SLC18A2: variants seen among roughly 807,000 people sequenced by gnomAD.
The protein encoded by SLC18A2 is solute carrier family 18 member A2.
Under a neutral mutation model 59.2 loss-of-function variants are expected in SLC18A2, and 33 were observed. That is an observed-to-expected ratio of 0.56 (90% CI 0.42 to 0.75). The LOEUF is 0.75. SLC18A2 is among the 30% of genes least tolerant of loss of function. SLC18A2 has a pLI of 0.00. For synonymous variants in SLC18A2, 228 were observed against 253.5 expected (o/e 0.90, Z 0.95); for missense variants, 569 against 668.6 (o/e 0.85, Z 1.64).
At chr10:117,256,832 C>T (rs1284757990) in intron 9 of SLC18A2, among the ~76,000 whole-genome samples, 3 of 152,160 alleles carry the variant, frequency 2.0e-5, no homozygotes, top group East Asian at 1.9e-4. Context: ...TCCTGAACCT[C>T]GGGCACGTCT....
At chr10:117,266,305 A>G (rs972555225) in intron 10 of SLC18A2, among the ~76,000 whole-genome samples, 2 of 152,090 alleles carry the variant, frequency 1.3e-5, no homozygotes, top group African/African-American at 4.8e-5. Context: ...TGAGTAATGG[A>G]TGGGGTTTGG....
intron 10 of SLC18A2, among the ~76,000 whole-genome samples, chr10:117,262,165 G>A (rs11817105): frequency 0.041 from 6,190 of 152,144 alleles, 405 homozygotes; most frequent in African/African-American, 0.14. Flanking sequence ...TCAGCCTCCC[G>A]AAGTGCTGGG....
In SLC18A2 at chr10:117,266,720, C is replaced by A. The variant is rs1844353001; in HGVS notation, c.992-13C>A. 1.9e-6 allele frequency: 3 copies of A among 1,604,886 alleles called. No individual in the cohort carries two copies. The highest frequency in any genetic ancestry group is 2.6e-6 in the Non-Finnish European group (3 of 1,172,682). On this transcript the variant is annotated splice_polypyrimidine_tract_variant and intron_variant, in intron 10 of 15. Transcript: ENST00000644641. ...ATCAGCACTGATAAGGTCTCCTTTT[C>A]ATAAATTTACAGGCGTTGCCTTCTT...
At chr10:117,267,603 C>A in intron 12 of SLC18A2, 70 bp from the exon 13 acceptor site, 1 of 1,224,372 alleles carries the variant, frequency 8.2e-7, no homozygotes, top group South Asian at 1.5e-5. Context: ...AACACAAGTT[C>A]AAGACTTTCC....
intron 10 of SLC18A2, among the ~76,000 whole-genome samples, chr10:117,259,828 A>G (rs1844274327): frequency 6.6e-6 from 1 of 152,180 alleles, no homozygotes; most frequent in Non-Finnish European, 1.5e-5. Context: ...TCTGGGCTGA[A>G]CACTTGCTTA....
In SLC18A2 at chr10:117,254,042, C is replaced by T. The variant is rs779013601; in HGVS notation, c.524-6C>T. On this transcript the variant is annotated splice_polypyrimidine_tract_variant and splice_region_variant and intron_variant, in intron 4 of 15. Transcript: ENST00000644641. ...ATGTGCGGTCTTGGACCCCCTCTCT[C>T]GGCAGTGTTTGCCTTCTCCAGCAGC... is the stretch of plus-strand genomic sequence containing the variant. The T allele has an allele frequency of 2.5e-5, 41 of 1,612,894 alleles. No individual in the cohort carries two copies. The highest frequency in any genetic ancestry group is 1.0e-4 in the Admixed American group (6 of 60,004).
Position 117,277,386 on chromosome 10 carries a change from A to G in SLC18A2, c.*120A>G. 1 of 547,842 alleles carries G rather than the reference A, an allele frequency of 1.8e-6. No individual in the cohort carries two copies. Among genetic ancestry groups the G allele is most frequent in the South Asian group, 3.1e-5 (1 of 32,594 alleles). The allele number at this position is 547,842 out of a possible 1,614,324, so 33.9% of individuals were successfully genotyped here. ...ATCCCTGGTGAAAGAGTAAAACCAA[A>G]GGTTATTATTTCCTTTCCATGGTTA... On this transcript the variant is annotated 3_prime_UTR_variant, in exon 16 of 16. Coordinates refer to ENST00000644641, the MANE Select transcript of SLC18A2 (RefSeq NM_003054.6).
At chr10:117,266,703 T>G in intron 10 of SLC18A2, 30 bp from the exon 11 acceptor site, 1 of 1,527,438 alleles carries the variant, frequency 6.5e-7, no homozygotes, top group Non-Finnish European at 9.1e-7. Flanking sequence ...ATATCAGCAC[T>G]GATAAGGTCT....
chr10:117,248,736 AG>A (rs1394025692), intron 3 of SLC18A2, among the ~76,000 whole-genome samples: 11 of 152,362 alleles, frequency 7.2e-5, no homozygotes, highest in Admixed American at 2.6e-4. Context: ...TCCCTCAGTC[AG>A]GTAACGATAT....
chr10:117,251,290 G>A (rs1844159490), intron 3 of SLC18A2, among the ~76,000 whole-genome samples: 1 of 152,196 alleles, frequency 6.6e-6, no homozygotes, highest in South Asian at 2.1e-4. Context: ...TAAATTGCCT[G>A]TGAGTTCTCC....
intron 9 of SLC18A2, among the ~76,000 whole-genome samples, chr10:117,257,175 A>G (rs1844239751): frequency 6.6e-6 from 1 of 152,260 alleles, no homozygotes; most frequent in South Asian, 2.1e-4. Flanking sequence ...GGAAGTTCCC[A>G]GAACGATGGA....
intron 11 of SLC18A2, 68 bp downstream of exon 11, chr10:117,266,879 G>C: frequency 6.4e-7 from 1 of 1,566,732 alleles, no homozygotes; most frequent in African/African-American, 1.4e-5. Context: ...ATTCTAAGTT[G>C]TTTCTGCCTT....
intron 2 of SLC18A2, 47 bp from the exon 3 acceptor site, chr10:117,243,924 A>G: frequency 6.8e-7 from 1 of 1,475,874 alleles, no homozygotes; most frequent in South Asian, 1.3e-5. Context: ...TTTCCTGGAG[A>G]GGGTTTCAGT....
intron 10 of SLC18A2, among the ~76,000 whole-genome samples, chr10:117,263,269 C>T (rs373798983): frequency 2.0e-5 from 3 of 152,202 alleles, no homozygotes; most frequent in East Asian, 1.9e-4. Context: ...TGAAGCAGTG[C>T]GGAGGACCCA....
intron 9 of SLC18A2, among the ~76,000 whole-genome samples, chr10:117,256,349 G>T (rs1001125342): frequency 3.9e-5 from 6 of 152,194 alleles, no homozygotes; most frequent in African/African-American, 1.4e-4. Flanking sequence ...GACCAGCCTT[G>T]TGTAGGTGTT....
intron 3 of SLC18A2, among the ~76,000 whole-genome samples, chr10:117,250,503 C>T (rs531589264): frequency 6.6e-6 from 1 of 152,330 alleles, no homozygotes; most frequent in Admixed American, 6.5e-5. Flanking sequence ...ACAGTAGCTG[C>T]AGTGTTTCTA....
intron 10 of SLC18A2, among the ~76,000 whole-genome samples, chr10:117,263,062 C>A (rs363224): frequency 0.49 from 73,787 of 152,054 alleles, 18,709 homozygotes; most frequent in Non-Finnish European, 0.56. Flanking sequence ...TCACTCAACC[C>A]GCTTGCTGCA....
In SLC18A2 at chr10:117,277,847, A is replaced by G. The variant is rs1282958345; in HGVS notation, c.*581A>G. The G allele has an allele frequency of 6.6e-6, 1 of 152,266 alleles. No individual in the cohort carries two copies. Among genetic ancestry groups the G allele is most frequent in the African/African-American group, 2.4e-5 (1 of 41,474 alleles). 9.4% of individuals were successfully genotyped at this position (152,266 alleles called of 1,614,324 possible). A position where few individuals can be genotyped will look rare whatever the true frequency, so the allele number is the denominator to read the frequency against. ...CTTGTGTCAGTTATCTTTTGAATCC[A>G]TAAATCTTAGCTGGCATTAGTTTTC... is the stretch of plus-strand genomic sequence containing the variant. On this transcript the variant is annotated 3_prime_UTR_variant, in exon 16 of 16. Coordinates refer to ENST00000644641, the MANE Select transcript of SLC18A2 (RefSeq NM_003054.6).
rs180820737 is a variant in SLC18A2, at chr10:117,278,276, C to T, written c.*1010C>T. 6.6e-6 allele frequency: 1 copy of T among 152,130 alleles called. No individual in the cohort carries two copies. The highest frequency in any genetic ancestry group is 1.5e-5 in the Non-Finnish European group (1 of 67,998). The allele number at this position is 152,130 out of a possible 1,614,324, so 9.4% of individuals were successfully genotyped here. A position where few individuals can be genotyped will look rare whatever the true frequency, so the allele number is the denominator to read the frequency against. ...TCTGAAACTACTATTTTTTAGACTC[C>T]TGAAAGTTGTTCACATCAATGTGAA... On this transcript the variant is annotated 3_prime_UTR_variant, in exon 16 of 16. Coordinates refer to ENST00000644641, the MANE Select transcript of SLC18A2 (RefSeq NM_003054.6).
Sources: gnomAD v4.1 joint callset for allele counts (sites outside exome capture counted in the v4.1 genomes callset) on GRCh38, gnomAD v4.1.1 for gene constraint, MANE v1.5 for transcripts, NCBI Gene and HGNC (gene_info 2026-07-23, HGNC 2026-07-21) for gene names.